The following KAZN variants were observed in gnomAD, a reference collection of about 807,000 sequenced individuals.
KAZN encodes kazrin, periplakin interacting protein.
In KAZN, 40 loss-of-function variants were observed where a neutral mutation model predicts 87.4. The ratio of observed to expected loss-of-function variants is 0.46; its 90% CI spans 0.36 to 0.60. The LOEUF (loss-of-function observed/expected upper bound fraction) is 0.60. Among genes scored for constraint, KAZN ranks in the 20% least tolerant of loss-of-function variants. The pLI, the probability that KAZN is intolerant of heterozygous loss-of-function variation, is 0.00. For missense variants in KAZN, 898 were observed against 1,073.9 expected (o/e 0.84, Z 2.29); for synonymous variants, 466 against 458.3 (o/e 1.02, Z -0.22).
chr1:14,675,724 T>C (rs1640178767), intron 1 of KAZN, among the ~76,000 whole-genome samples: 1 of 152,186 alleles, frequency 6.6e-6, no homozygotes, highest in Non-Finnish European at 1.5e-5. Context: ...ACACAGTAAA[T>C]ATTCTGGGGA....
chr1:13,969,961 G>A (rs1642079422), intron 1 of KAZN, among the ~76,000 whole-genome samples: 1 of 152,222 alleles, frequency 6.6e-6, no homozygotes, highest in East Asian at 1.9e-4. Context: ...AAAGCTGAGA[G>A]TAGTTAAGTA....
At chr1:14,840,687 G>A (rs1647858510) in intron 1 of KAZN, among the ~76,000 whole-genome samples, 1 of 152,216 alleles carries the variant, frequency 6.6e-6, no homozygotes, top group Non-Finnish European at 1.5e-5. Context: ...CCTGGATGCT[G>A]CCTCTTGCAA....
At chr1:14,303,543 G>A (rs1178900334) in intron 2 of KAZN, among the ~76,000 whole-genome samples, 2 of 152,082 alleles carry the variant, frequency 1.3e-5, no homozygotes, top group African/African-American at 2.4e-5. Flanking sequence ...GCGCCCAGAC[G>A]GGAATCTGCA....
At chr1:14,822,106 C>T (rs569463465) in intron 1 of KAZN, among the ~76,000 whole-genome samples, 8 of 152,302 alleles carry the variant, frequency 5.3e-5, no homozygotes, top group Admixed American at 3.9e-4. Context: ...TCCACAACAG[C>T]GACCCTTCTT....
At chr1:14,391,536 T>C (rs1473241648) in intron 2 of KAZN, 1 of 152,316 alleles carries the variant, frequency 6.6e-6, no homozygotes, top group Non-Finnish European at 1.5e-5. Flanking sequence ...GCTCCTTCTC[T>C]CACGACCACT....
At chr1:14,139,457 C>T (rs989011437) in intron 1 of KAZN, among the ~76,000 whole-genome samples, 12 of 152,364 alleles carry the variant, frequency 7.9e-5, no homozygotes, top group African/African-American at 2.9e-4. Flanking sequence ...AAGTCTAGCT[C>T]AGACACTGCC....
intron 2 of KAZN, among the ~76,000 whole-genome samples, chr1:14,560,587 A>G (rs761991243): frequency 2.0e-5 from 3 of 152,164 alleles, no homozygotes; most frequent in Non-Finnish European, 4.4e-5. Flanking sequence ...CAAAATAATA[A>G]TAATAAATAA....
At chr1:14,304,441 C>A (rs1316657399) in intron 2 of KAZN, 1 of 393,822 alleles carries the variant, frequency 2.5e-6, no homozygotes, top group Non-Finnish European at 4.5e-6. Flanking sequence ...TGCTGTTCAG[C>A]CTCTATTTCC....
chr1:14,645,665 C>T (rs1182067248), intron 1 of KAZN, among the ~76,000 whole-genome samples: 1 of 152,182 alleles, frequency 6.6e-6, no homozygotes, highest in African/African-American at 2.4e-5. Context: ...ATGGTGTTTT[C>T]TAGATACAGA....
intron 2 of KAZN, among the ~76,000 whole-genome samples, chr1:14,586,200 T>A (rs1220575970): frequency 6.6e-6 from 1 of 152,248 alleles, no homozygotes; most frequent in Non-Finnish European, 1.5e-5. Context: ...ATCAAAGGAA[T>A]GCTTCCTAGT....
intron 1 of KAZN, among the ~76,000 whole-genome samples, chr1:14,802,778 TA>T (rs1646082178): frequency 6.6e-6 from 1 of 152,158 alleles, no homozygotes; most frequent in Non-Finnish European, 1.5e-5. Flanking sequence ...ATGTGATGAT[TA>T]ACAGGACAAG....
chr1:14,138,355 C>A (rs573081573), intron 1 of KAZN, among the ~76,000 whole-genome samples: 7 of 152,138 alleles, frequency 4.6e-5, no homozygotes, highest in Non-Finnish European at 7.3e-5. Flanking sequence ...CACGTCCAGA[C>A]TTGACCACAT....
At chr1:14,690,155 C>T (rs1320612911) in intron 1 of KAZN, among the ~76,000 whole-genome samples, 1 of 152,194 alleles carries the variant, frequency 6.6e-6, no homozygotes, top group Non-Finnish European at 1.5e-5. Flanking sequence ...ATCCGGCAGA[C>T]TCGCCACACT....
At chr1:14,642,196 G>C (rs1370296555) in intron 1 of KAZN, among the ~76,000 whole-genome samples, 1 of 152,124 alleles carries the variant, frequency 6.6e-6, no homozygotes, top group Non-Finnish European at 1.5e-5. Flanking sequence ...TCGGGAGATC[G>C]AGACCATCCT....
intron 1 of KAZN, among the ~76,000 whole-genome samples, chr1:14,682,977 G>A (rs1640761632): frequency 6.6e-6 from 1 of 152,204 alleles, no homozygotes; most frequent in African/African-American, 2.4e-5. Flanking sequence ...GTTCCTACCA[G>A]AGTCTGAAAA....
intron 2 of KAZN, among the ~76,000 whole-genome samples, chr1:14,591,679 C>T (rs975475383): frequency 2.0e-5 from 3 of 152,146 alleles, no homozygotes; most frequent in Admixed American, 2.0e-4. Flanking sequence ...AGAAGGGATG[C>T]GCCTGACCGA....
chr1:14,632,669 C>T (rs1679656095), intron 1 of KAZN, among the ~76,000 whole-genome samples: 1 of 151,262 alleles, frequency 6.6e-6, no homozygotes, highest in Admixed American at 6.6e-5. Flanking sequence ...AATGAACTTG[C>T]ACTGTTCTCA....
chr1:14,545,178 G>A (rs79397325), intron 2 of KAZN, among the ~76,000 whole-genome samples: 1 of 152,178 alleles, frequency 6.6e-6, no homozygotes, highest in Non-Finnish European at 1.5e-5. Context: ...TCCTCCTGGG[G>A]CAGAGCAGCT....
chr1:14,293,132 G>A (rs2100753155), intron 2 of KAZN, among the ~76,000 whole-genome samples: 1 of 152,264 alleles, frequency 6.6e-6, no homozygotes, highest in South Asian at 2.1e-4. Flanking sequence ...CAAGGAAAGA[G>A]TCACAGACAA....
Sources: allele counts gnomAD v4.1 joint callset (sites outside exome capture counted in the v4.1 genomes callset), GRCh38; gene constraint gnomAD v4.1.1; transcripts MANE v1.5; gene names NCBI Gene and HGNC (gene_info 2026-07-23, HGNC 2026-07-21).